Variants in BAZ2B observed in about 807,000 individuals in gnomAD.
The protein encoded by BAZ2B is bromodomain adjacent to zinc finger domain protein 2B.
A neutral mutation model predicts 246.0 loss-of-function variants in BAZ2B; 91 were observed. The observed-to-expected ratio is 0.37, with a 90% CI of 0.31 to 0.44. The LOEUF (loss-of-function observed/expected upper bound fraction) is 0.44. BAZ2B is among the 20% of genes least tolerant of loss of function. The pLI, the probability that BAZ2B is intolerant of heterozygous loss-of-function variation, is 1.00. For synonymous variants in BAZ2B, 855 were observed against 860.0 expected, an observed-to-expected ratio of 0.99 and a Z score of 0.10; for missense variants, 2,332 against 2,533.7, an observed-to-expected ratio of 0.92 and a Z score of 1.71.
At chr2:159,626,358 A>G in the BAZ2B span, among the ~76,000 whole-genome samples, 1 of 152,252 alleles carries the variant, frequency 6.6e-6, no homozygotes, top group African/African-American at 2.4e-5. Context: ...TCCACCCCAA[A>G]TCAACAGAAT....
chr2:159,400,991 C>T (rs1476833719), intron 16 of BAZ2B, among the ~76,000 whole-genome samples: 2 of 151,990 alleles, frequency 1.3e-5, no homozygotes, highest in African/African-American at 4.8e-5. Context: ...TTGCAGTCAG[C>T]CAAGATGTGC....
At chr2:159,484,325 T>C (rs1183165678) in intron 2 of BAZ2B, among the ~76,000 whole-genome samples, 1 of 152,218 alleles carries the variant, frequency 6.6e-6, no homozygotes, top group Non-Finnish European at 1.5e-5. Flanking sequence ...AAAGCTACTG[T>C]AATAAGTGAT....
At chr2:159,434,241 ACCTCT>A (rs1171861097) in intron 8 of BAZ2B, 1 of 150,480 alleles carries the variant, frequency 6.6e-6, no homozygotes, top group Non-Finnish European at 1.5e-5. Context: ...GCTCACTGCA[ACCTCT>A]GCCTCCTGGG....
intron 21 of BAZ2B, among the ~76,000 whole-genome samples, chr2:159,389,100 A>G (rs1029723379): frequency 6.7e-6 from 1 of 150,180 alleles, no homozygotes; most frequent in African/African-American, 2.5e-5. Context: ...AAAACAACCA[A>G]CCAACCAACC....
chr2:159,365,530 C>T (rs2060132125), intron 27 of BAZ2B, among the ~76,000 whole-genome samples: 1 of 152,124 alleles, frequency 6.6e-6, no homozygotes, highest in African/African-American at 2.4e-5. Flanking sequence ...ATATTACAGA[C>T]AAATGGATGG....
the BAZ2B span, among the ~76,000 whole-genome samples, chr2:159,703,979 G>A: frequency 6.6e-6 from 1 of 152,196 alleles, no homozygotes; most frequent in African/African-American, 2.4e-5. Flanking sequence ...CTAAAGTTAA[G>A]ACTTACATAA....
chr2:159,485,975 C>G (rs1158443713), intron 2 of BAZ2B, among the ~76,000 whole-genome samples: 1 of 151,844 alleles, frequency 6.6e-6, no homozygotes, highest in Non-Finnish European at 1.5e-5. Context: ...AGAGAGTATC[C>G]CTTTCCATCC....
At chr2:159,447,057 G>T in intron 5 of BAZ2B, 82 bp from the exon 6 acceptor site, 1 of 936,558 alleles carries the variant, frequency 1.1e-6, no homozygotes, top group Non-Finnish European at 1.5e-6. Context: ...ATGTACAGTT[G>T]GATGAACTTG....
At chr2:159,526,893 A>C (rs1264332622) in intron 2 of BAZ2B, among the ~76,000 whole-genome samples, 1 of 151,480 alleles carries the variant, frequency 6.6e-6, no homozygotes, top group African/African-American at 2.4e-5. Flanking sequence ...TCTATCACCC[A>C]TGCTGGAGTG....
At chr2:159,526,047 G>C (rs992942190) in intron 2 of BAZ2B, among the ~76,000 whole-genome samples, 5 of 152,146 alleles carry the variant, frequency 3.3e-5, no homozygotes, top group African/African-American at 1.2e-4. Flanking sequence ...TGGCAGAAGA[G>C]TGACAAATGA....
the BAZ2B span, among the ~76,000 whole-genome samples, chr2:159,678,391 G>A: frequency 6.6e-6 from 1 of 152,132 alleles, no homozygotes; most frequent in South Asian, 2.1e-4. Context: ...CCAATCCCAA[G>A]TGCCTAATTG....
the BAZ2B span, among the ~76,000 whole-genome samples, chr2:159,627,390 C>T: frequency 2.6e-5 from 4 of 151,942 alleles, no homozygotes; most frequent in Non-Finnish European, 5.9e-5. Context: ...GGCCAATATC[C>T]TTGATGAACA....
At chr2:159,559,125 G>A (rs1316597654) in intron 1 of BAZ2B, among the ~76,000 whole-genome samples, 3 of 151,892 alleles carry the variant, frequency 2.0e-5, no homozygotes, top group Non-Finnish European at 4.4e-5. Flanking sequence ...CTGTAGTCCC[G>A]CCAAGCTACT....
chr2:159,371,622 C>T (rs2060859593), intron 27 of BAZ2B, among the ~76,000 whole-genome samples: 1 of 152,156 alleles, frequency 6.6e-6, no homozygotes, highest in South Asian at 2.1e-4. Context: ...GTTACTGTAA[C>T]GGTTCCACAG....
chr2:159,618,778 G>A (rs964258655), upstream of BAZ2B, among the ~76,000 whole-genome samples: 6 of 152,080 alleles, frequency 3.9e-5, no homozygotes, highest in Non-Finnish European at 8.8e-5. Context: ...CTAGATTCAA[G>A]TTATCTTGAT....
chr2:159,555,178 AC>A (rs1346193475), intron 2 of BAZ2B, among the ~76,000 whole-genome samples: 1 of 139,730 alleles, frequency 7.2e-6, no homozygotes, highest in Non-Finnish European at 1.5e-5. Flanking sequence ...TGCAACCTCC[AC>A]CTCCCGGGTT....
At chr2:159,370,150 T>C (rs2060664822) in intron 27 of BAZ2B, among the ~76,000 whole-genome samples, 1 of 151,914 alleles carries the variant, frequency 6.6e-6, no homozygotes, top group African/African-American at 2.4e-5. Flanking sequence ...AAGGGGAACA[T>C]CACACACTGG....
intron 2 of BAZ2B, among the ~76,000 whole-genome samples, chr2:159,497,664 G>T (rs1020840919): frequency 1.3e-5 from 2 of 152,026 alleles, no homozygotes; most frequent in Admixed American, 6.6e-5. Flanking sequence ...TAAGGCTGGG[G>T]GCCTAAGTAT....
At chr2:159,651,584 A>G in the BAZ2B span, among the ~76,000 whole-genome samples, 1 of 152,172 alleles carries the variant, frequency 6.6e-6, no homozygotes, top group African/African-American at 2.4e-5. Context: ...TTATTGAAAT[A>G]TAATTCATTT....
Sources: gnomAD v4.1 joint callset for allele counts (sites outside exome capture counted in the v4.1 genomes callset) on GRCh38, gnomAD v4.1.1 for gene constraint, MANE v1.5 for transcripts, NCBI Gene and HGNC (gene_info 2026-07-23, HGNC 2026-07-21) for gene names.